The following OVCH2 variants were observed in gnomAD, a reference collection of about 807,000 sequenced individuals.
OVCH2 encodes the protein ovochymase 2.
OVCH2 carries 88 observed loss-of-function variants against 73.7 expected under a neutral mutation model. The observed-to-expected ratio is 1.19, with a 90% CI of 1.01 to 1.43. The LOEUF (loss-of-function observed/expected upper bound fraction) is 1.43. Among genes scored for constraint, OVCH2 ranks in the 40% most tolerant of loss-of-function variants. The pLI is 0.00. For synonymous variants in OVCH2, 265 were observed against 234.5 expected (o/e 1.13, Z -1.19); for missense variants, 706 against 674.5 (o/e 1.05, Z -0.52).
intron 6 of OVCH2, 103 bp from the exon 7 acceptor site, chr11:7,700,588 C>T (rs1856418949): frequency 3.2e-6 from 4 of 1,269,450 alleles, no homozygotes; most frequent in Non-Finnish European, 1.1e-6. Context: ...AATGACATCT[C>T]CTCACTTCTA....
downstream of OVCH2, among the ~76,000 whole-genome samples, chr11:7,686,684 G>A (rs186545204): frequency 2.6e-5 from 4 of 152,298 alleles, no homozygotes; most frequent in African/African-American, 7.2e-5. Flanking sequence ...ACTAAGAAAG[G>A]AGAGCCCTTT....
At chr11:7,695,238 G>T (rs994384313) in intron 11 of OVCH2, 50 bp from the exon 12 acceptor site, 2 of 1,505,538 alleles carry the variant, frequency 1.3e-6, no homozygotes, top group Non-Finnish European at 8.9e-7. Flanking sequence ...AAATAAAGAA[G>T]AATTCTCACT....
chr11:7,702,268 C>T lies in OVCH2; in HGVS notation c.352G>A (p.Gly118Arg), dbSNP rs748010586. The change falls in exon 4 of 16, where the codon GGA becomes AGA. Residue 118 changes from glycine to arginine, a missense_variant. Transcript: ENST00000533663. The stretch of plus-strand genomic sequence containing the variant: ...GTTTCAATAGTGAGAGTTTGCTCTC[C>T]TGGGTCTGTCTGGCTTAAGTCATAC... ...GEYDLSQTDP[G>R]EQTLTIETVI... is the part of the protein sequence containing the mutation. 4 of 1,612,220 alleles carry T rather than the reference C, an allele frequency of 2.5e-6. No homozygotes were observed. Among genetic ancestry groups the T allele is most frequent in the Non-Finnish European group, 1.7e-6 (2 of 1,179,220 alleles).
chr11:7,686,981 A>C (rs1172921731), downstream of OVCH2, among the ~76,000 whole-genome samples: 1 of 152,042 alleles, frequency 6.6e-6, no homozygotes, highest in Non-Finnish European at 1.5e-5. Context: ...CACTCCTTAG[A>C]ATTCCTGGAG....
chr11:7,699,087 G>C (rs1856388119), intron 7 of OVCH2: 4 of 245,552 alleles, frequency 1.6e-5, no homozygotes, highest in Non-Finnish European at 2.4e-5. Context: ...AACTATAAAA[G>C]AGTTGCTGGG....
Position 7,691,933 on chromosome 11 carries a change from C to T in OVCH2, c.1476G>A (p.Val492=). The part of the protein sequence containing the change: ...SGDCTSDYVT[V]HSDVERKKEI... The stretch of plus-strand genomic sequence containing the variant: ...CCTTCTTCCTTTCTACATCGCTGTG[C>T]ACTGTCACATAGTCGGAAGTGCAGT... Residue 492 remains valine, a synonymous_variant, in exon 13 of 16, where the codon GTG becomes GTA. Coordinates refer to ENST00000533663, the MANE Select transcript of OVCH2 (RefSeq NM_198185.7). The T allele has an allele frequency of 1.3e-6, 2 of 1,576,272 alleles. No homozygotes were observed. Among genetic ancestry groups the T allele is most frequent in the Admixed American group, 1.8e-5 (1 of 54,948 alleles).
chr11:7,679,616 T>C, the OVCH2 span, among the ~76,000 whole-genome samples: 30 of 152,302 alleles, frequency 2.0e-4, no homozygotes, highest in African/African-American at 3.6e-4. Context: ...TCTGACATGA[T>C]TGTAAGTTTC....
At chr11:7,691,116 A>G in intron 14 of OVCH2, 153 bp downstream of exon 14, 1 of 943,030 alleles carries the variant, frequency 1.1e-6, no homozygotes, top group Non-Finnish European at 1.6e-6. Flanking sequence ...ATGGCTGAGT[A>G]TTCTCTTATT....
the OVCH2 span, among the ~76,000 whole-genome samples, chr11:7,680,367 C>A: frequency 6.6e-6 from 1 of 152,106 alleles, no homozygotes; most frequent in Non-Finnish European, 1.5e-5. Flanking sequence ...AAGTGTTGAT[C>A]ATTGAGGGAA....
At chr11:7,702,784 T>C (rs892067112) in intron 3 of OVCH2, among the ~76,000 whole-genome samples, 11 of 152,208 alleles carry the variant, frequency 7.2e-5, no homozygotes, top group African/African-American at 2.7e-4. Context: ...GACTGCATTA[T>C]AACTAACTAA....
intron 1 of OVCH2, among the ~76,000 whole-genome samples, chr11:7,706,000 ACCAAG>A (rs1052895031): frequency 1.1e-4 from 16 of 152,182 alleles, no homozygotes; most frequent in African/African-American, 3.9e-4. Context: ...TGCTCTATGA[ACCAAG>A]ATGGGATTAT....
chr11:7,706,186 G>T, intron 1 of OVCH2, 121 bp downstream of exon 1: 1 of 1,032,494 alleles, frequency 9.7e-7, no homozygotes, highest in Non-Finnish European at 1.4e-6. Flanking sequence ...AAAACAATTA[G>T]ATATCCAAAA....
In OVCH2 at chr11:7,701,738, T is replaced by G; in HGVS notation, c.537A>C (p.Ala179=). The G allele has an allele frequency of 6.2e-7, 1 of 1,612,238 alleles. No individual in the cohort carries two copies. The highest frequency in any genetic ancestry group is 8.5e-7 in the Non-Finnish European group (1 of 1,179,322). The part of the protein sequence containing the change: ...QFEAGFICTT[A]GWGRLTEGGV... ...TACCTTCAGTTAAGCGGCCCCAGCCTGCAGTTGTACAAATAAAACCAGCCT... is the reference window on the plus strand; with the variant it reads ...TACCTTCAGTTAAGCGGCCCCAGCCGGCAGTTGTACAAATAAAACCAGCCT... Residue 179 remains alanine (A), a synonymous_variant, in exon 5 of 16, where the codon GCA becomes GCC. Transcript: ENST00000533663.
intron 3 of OVCH2, among the ~76,000 whole-genome samples, chr11:7,702,731 T>G (rs1856467693): frequency 1.3e-5 from 2 of 152,158 alleles, no homozygotes; most frequent in Admixed American, 1.3e-4. Context: ...GTATGCTACT[T>G]CAATGTCAGA....
chr11:7,695,209 C>CA, intron 11 of OVCH2, 21 bp from the exon 12 acceptor site: 1 of 1,548,056 alleles, frequency 6.5e-7, no homozygotes, highest in Non-Finnish European at 8.7e-7. Context: ...AGAAAAAGTC[C>CA]AAACAGATGG....
At chr11:7,693,648 T>A (rs4488184) in intron 12 of OVCH2, among the ~76,000 whole-genome samples, 2 of 152,054 alleles carry the variant, frequency 1.3e-5, no homozygotes, top group Non-Finnish European at 2.9e-5. Context: ...CAAATTTTCC[T>A]TAATTCTGCT....
chr11:7,694,009 G>A (rs1406163045), intron 12 of OVCH2, among the ~76,000 whole-genome samples: 1 of 152,118 alleles, frequency 6.6e-6, no homozygotes, highest in Non-Finnish European at 1.5e-5. Context: ...TCTCCAGGCT[G>A]TCATAAAAAC....
intron 8 of OVCH2, 26 bp from the exon 9 acceptor site, chr11:7,696,825 G>A (rs1184441229): frequency 2.5e-6 from 4 of 1,586,148 alleles, no homozygotes; most frequent in Non-Finnish European, 3.4e-6. Context: ...AGGAGAGTCA[G>A]GGTTAGTTAT....
chr11:7,702,552 G>C (rs575792662), intron 3 of OVCH2, among the ~76,000 whole-genome samples: 196 of 152,256 alleles, frequency 1.3e-3, no homozygotes, highest in Non-Finnish European at 2.2e-3. Flanking sequence ...TATAGCCAAG[G>C]ATATGATGAA....
Sources: allele counts gnomAD v4.1 joint callset (sites outside exome capture counted in the v4.1 genomes callset), GRCh38; gene constraint gnomAD v4.1.1; transcripts MANE v1.5; gene names NCBI Gene and HGNC (gene_info 2026-07-23, HGNC 2026-07-21).